Variants in CRACD observed in about 807,000 individuals in gnomAD.
CRACD encodes capping protein inhibiting regulator of actin dynamics.
A neutral mutation model predicts 106.8 loss-of-function variants in CRACD; 56 were observed. The observed-to-expected ratio is 0.52, with a 90% CI of 0.42 to 0.66. CRACD has a LOEUF of 0.66. Among genes scored for constraint, CRACD ranks in the 30% least tolerant of loss-of-function variants. CRACD has a pLI of 0.00. For synonymous variants in CRACD, 754 were observed against 670.8 expected (o/e 1.12, Z -1.92); for missense variants, 1,730 against 1,623.2 (o/e 1.07, Z -1.13).
chr4:56,314,834 C>G lies in CRACD; in HGVS notation c.1332C>G (p.His444Gln). 2 of 1,611,144 alleles carry G rather than the reference C, an allele frequency of 1.2e-6. No individual in the cohort carries two copies. Among genetic ancestry groups the G allele is most frequent in the Non-Finnish European group, 1.7e-6 (2 of 1,179,230 alleles). ...TGAAACCCGAAGGACAAAGAGAACACTCCGAGGAGCCAGGTATTTGCGAGG... is the reference window on the plus strand; with the variant it reads ...TGAAACCCGAAGGACAAAGAGAACAGTCCGAGGAGCCAGGTATTTGCGAGG... ...ERLKPEGQRE[H>Q]SEEPGICEEQ... Residue 444 changes from histidine to glutamine, a missense_variant, in exon 8 of 11, where the codon CAC becomes CAG. Transcript: ENST00000682029. This position sits in a 1 kb window ranked among gnomAD's most constrained non-coding sequence, Gnocchi z 4.4.
chr4:56,059,008 A>G (rs1285628549), intron 1 of CRACD, among the ~76,000 whole-genome samples: 1 of 151,894 alleles, frequency 6.6e-6, no homozygotes, highest in African/African-American at 2.4e-5. Context: ...ACAGATTATC[A>G]TTTTTCTTTT....
intron 2 of CRACD, among the ~76,000 whole-genome samples, chr4:56,219,609 G>T (rs922703496): frequency 1.1e-4 from 16 of 152,142 alleles, no homozygotes; most frequent in Non-Finnish European, 1.9e-4. Context: ...TGTTATTTCA[G>T]CCTCCCAAAG....
At chr4:56,286,767 C>T (rs12152571) in intron 3 of CRACD, among the ~76,000 whole-genome samples, 44,790 of 151,856 alleles carry the variant, frequency 0.29, 7,778 homozygotes, top group East Asian at 0.64. Context: ...CCTCTGGCTC[C>T]CACTGCTGCC....
At chr4:56,053,012 G>A (rs575382231) in intron 1 of CRACD, among the ~76,000 whole-genome samples, 10 of 152,274 alleles carry the variant, frequency 6.6e-5, no homozygotes, top group African/African-American at 1.9e-4. Flanking sequence ...GCTGGTCTTT[G>A]ATGTAAATAT....
chr4:56,075,036 C>T (rs148877958), intron 1 of CRACD, among the ~76,000 whole-genome samples: 2,519 of 152,128 alleles, frequency 0.017, 79 homozygotes, highest in African/African-American at 0.058. Flanking sequence ...GGGATGAAGC[C>T]GACTTGATCG....
intron 2 of CRACD, among the ~76,000 whole-genome samples, chr4:56,202,489 T>C (rs551981348): frequency 1.3e-4 from 20 of 152,308 alleles, no homozygotes; most frequent in Non-Finnish European, 2.4e-4. Flanking sequence ...TCAGGTGATC[T>C]GCCCACCTTG....
chr4:56,316,561 G>A lies in CRACD; in HGVS notation c.3059G>A (p.Gly1020Asp), dbSNP rs764014579. The A allele has an allele frequency of 1.2e-6, 2 of 1,613,218 alleles. No homozygotes were observed. The highest frequency in any genetic ancestry group is 2.2e-5 in the East Asian group (1 of 44,862). Reference protein sequence around the residue: ...SSDRRPPSPPGPEERKGQKRD... With the variant: ...SSDRRPPSPPDPEERKGQKRD... Reference sequence around the variant, plus strand: ...GACCGCCGGCCACCCTCGCCCCCAGGCCCCGAGGAAAGGAAGGGACAGAAG... The same window carrying A: ...GACCGCCGGCCACCCTCGCCCCCAGACCCCGAGGAAAGGAAGGGACAGAAG... The change falls in exon 8 of 11, where the codon GGC becomes GAC. Residue 1020 changes from glycine (G) to aspartate (D), a missense_variant. This residue lies in a region of CRACD where 1,620 missense variants were observed against 1,481.6 expected (regional missense o/e 1.09). Coordinates refer to ENST00000682029, the MANE Select transcript of CRACD (RefSeq NM_001393381.1).
At chr4:56,268,402 A>T (rs1301581171) in intron 2 of CRACD, among the ~76,000 whole-genome samples, 2 of 151,932 alleles carry the variant, frequency 1.3e-5, no homozygotes, top group African/African-American at 4.8e-5. Context: ...GTATTTTGGA[A>T]TGTTTCTGAT....
At chr4:56,174,185 G>A (rs1289869761) in intron 1 of CRACD, among the ~76,000 whole-genome samples, 1 of 151,992 alleles carries the variant, frequency 6.6e-6, no homozygotes, top group East Asian at 1.9e-4. Flanking sequence ...CATAATAGTT[G>A]TACATATTTA....
chr4:56,214,494 C>T (rs4865066), intron 2 of CRACD, among the ~76,000 whole-genome samples: 2 of 151,306 alleles, frequency 1.3e-5, no homozygotes, highest in African/African-American at 4.9e-5. Flanking sequence ...TGGGAAGCCG[C>T]GGCAGGAGAA....
intron 2 of CRACD, among the ~76,000 whole-genome samples, chr4:56,209,662 A>G (rs1389853447): frequency 1.3e-5 from 2 of 152,176 alleles, no homozygotes; most frequent in Non-Finnish European, 2.9e-5. Context: ...TATACCATAC[A>G]AAAATAAGAT....
chr4:56,226,396 C>T (rs571008196), intron 2 of CRACD, among the ~76,000 whole-genome samples: 14 of 152,194 alleles, frequency 9.2e-5, no homozygotes, highest in South Asian at 2.1e-4. Context: ...AGAGGAGAAA[C>T]GCAGATACAA....
In CRACD at chr4:56,159,639, G is replaced by A. The variant is rs180750326; in HGVS notation, c.-335-19645G>A. ...TGCACTCCAGCTTGGGTGACAGAGCGAGACTCCTTCTCAAAACAAAGCAAA... is the reference window on the plus strand; with the variant it reads ...TGCACTCCAGCTTGGGTGACAGAGCAAGACTCCTTCTCAAAACAAAGCAAA... On this transcript the variant is annotated intron_variant, in intron 1 of 10. Coordinates refer to ENST00000682029, the MANE Select transcript of CRACD (RefSeq NM_001393381.1). 5.4e-3 allele frequency among the ~76,000 whole-genome samples: 822 copies of A among 152,214 alleles called. 5 individuals are homozygous for A. The highest frequency in any genetic ancestry group is 0.027 in the Middle Eastern group (8 of 294).
Position 56,161,554 on chromosome 4 carries a change from C to T in CRACD, c.-335-17730C>T, listed in dbSNP as rs1352674787. On this transcript the variant is annotated intron_variant, in intron 1 of 10. Coordinates refer to ENST00000682029, the MANE Select transcript of CRACD (RefSeq NM_001393381.1). ...GTAGCCTCCGCCTCCTGGGCTCAAG[C>T]GATTCTGCTGCCTCAGCCTCCCAAG... 4.6e-5 allele frequency among the ~76,000 whole-genome samples: 7 copies of T among 150,632 alleles called. No individual in the cohort carries two copies. In the South Asian group the frequency reaches 8.4e-4, roughly 18 times the overall value.
At chr4:56,151,921 A>T (rs920109801) in intron 1 of CRACD, among the ~76,000 whole-genome samples, 8 of 151,888 alleles carry the variant, frequency 5.3e-5, no homozygotes, top group African/African-American at 1.7e-4. Context: ...GTGGCTCTTG[A>T]TTTTGAGTCA....
chr4:56,281,315 G>A (rs1743025417), intron 3 of CRACD, among the ~76,000 whole-genome samples: 1 of 152,124 alleles, frequency 6.6e-6, no homozygotes, highest in African/African-American at 2.4e-5. Flanking sequence ...GATAATCTGA[G>A]GTGGAACAGT....
At chr4:56,132,240 A>G (rs555359602) in intron 1 of CRACD, among the ~76,000 whole-genome samples, 1 of 152,230 alleles carries the variant, frequency 6.6e-6, no homozygotes, top group South Asian at 2.1e-4. Flanking sequence ...GGGTTTCACC[A>G]TGTTGCCCAA....
At chr4:56,183,235 A>AAAAATAAAATACAAT (rs1736919952) in intron 2 of CRACD, among the ~76,000 whole-genome samples, 1 of 124,440 alleles carries the variant, frequency 8.0e-6, no homozygotes, top group East Asian at 2.1e-4. Flanking sequence ...CTCCGTCTCA[A>AAAAATAAAATACAAT]AAAATAAAAT....
chr4:56,232,784 G>A (rs944428278), intron 2 of CRACD, among the ~76,000 whole-genome samples: 2 of 151,306 alleles, frequency 1.3e-5, no homozygotes, highest in African/African-American at 4.9e-5. Flanking sequence ...GAGTGCAGTG[G>A]CGCGATCTCG....
Sources: allele counts gnomAD v4.1 joint callset (sites outside exome capture counted in the v4.1 genomes callset), GRCh38; gene constraint gnomAD v4.1.1; regional missense constraint gnomAD v4.1.1; non-coding constraint Gnocchi (gnomAD v3.1); transcripts MANE v1.5; gene names NCBI Gene and HGNC (gene_info 2026-07-23, HGNC 2026-07-21).